Variants in SDK1 observed in about 807,000 individuals in gnomAD.
SDK1 encodes sidekick cell adhesion molecule 1, also known as protein sidekick-1.
A neutral mutation model predicts 245.5 loss-of-function variants in SDK1; 157 were observed. That is an observed-to-expected ratio of 0.64 (90% CI 0.56 to 0.73). SDK1 has a LOEUF of 0.73. Among genes scored for constraint, SDK1 ranks in the 30% least tolerant of loss-of-function variants. SDK1 has a pLI of 0.00. For missense variants in SDK1, 3,583 were observed against 3,002.3 expected (o/e 1.19, Z -4.52); for synonymous variants, 1,647 against 1,278.5 (o/e 1.29, Z -6.15).
chr7:4,084,719 ATGTTATGTTATGT>A (rs758702813), intron 22 of SDK1, among the ~76,000 whole-genome samples: 10,357 of 117,870 alleles, frequency 0.088, 385 homozygotes, highest in African/African-American at 0.12. Context: ...ATGTTATGTT[ATGTTATGTTATGT>A]TGTTACTTAA....
chr7:3,882,912 C>T (rs1436848514), intron 5 of SDK1, among the ~76,000 whole-genome samples: 1 of 152,160 alleles, frequency 6.6e-6, no homozygotes, highest in African/African-American at 2.4e-5. Flanking sequence ...AGAGATTGTT[C>T]TGGCTTTTTT....
chr7:3,979,533 T>G (rs895331887), intron 13 of SDK1, among the ~76,000 whole-genome samples: 21 of 152,166 alleles, frequency 1.4e-4, no homozygotes, highest in Admixed American at 1.3e-3. Context: ...TCACTCCACC[T>G]ACTGAGCTGA....
chr7:3,658,524 C>A (rs751084135), intron 4 of SDK1, among the ~76,000 whole-genome samples: 14 of 151,462 alleles, frequency 9.2e-5, no homozygotes, highest in Admixed American at 2.0e-4. Flanking sequence ...AATTTACCTA[C>A]CGTAATGTTC....
At chr7:4,131,868 A>T (rs1368691319) in intron 27 of SDK1, among the ~76,000 whole-genome samples, 1 of 152,140 alleles carries the variant, frequency 6.6e-6, no homozygotes, top group African/African-American at 2.4e-5. Context: ...CAGAAATTGT[A>T]ACCTCCGTTA....
chr7:3,571,349 T>G (rs1780108658), intron 1 of SDK1, among the ~76,000 whole-genome samples: 1 of 151,970 alleles, frequency 6.6e-6, no homozygotes, highest in African/African-American at 2.4e-5. Context: ...GTCACGCACG[T>G]GGGGGTGCAG....
chr7:3,864,219 G>A (rs1296810018), intron 5 of SDK1, among the ~76,000 whole-genome samples: 2 of 152,168 alleles, frequency 1.3e-5, no homozygotes, highest in Non-Finnish European at 2.9e-5. Flanking sequence ...TTTACACATA[G>A]AAGAAAAATT....
chr7:3,564,902 A>AG (rs1779861417), intron 1 of SDK1, among the ~76,000 whole-genome samples: 1 of 152,030 alleles, frequency 6.6e-6, no homozygotes, highest in African/African-American at 2.4e-5. Flanking sequence ...ACATTAAAAG[A>AG]GTGAAGGCAA....
chr7:4,013,931 G>C lies in SDK1; in HGVS notation c.2420+1696G>C, dbSNP rs1025880926. 9.9e-5 allele frequency among the ~76,000 whole-genome samples: 15 copies of C among 152,246 alleles called. 1 individual carries two copies. Among genetic ancestry groups the C allele is most frequent in the African/African-American group, 3.4e-4 (14 of 41,464 alleles). ...TGGTTCCTGTTGATCCCCTGGGACA[G>C]TTCCTAATTGCCTGACCACCTCCGC... On this transcript the variant is annotated intron_variant, in intron 16 of 44. Transcript: ENST00000404826.
chr7:3,615,407 C>T (rs980819341), intron 1 of SDK1, among the ~76,000 whole-genome samples: 1 of 151,672 alleles, frequency 6.6e-6, no homozygotes, highest in African/African-American at 2.4e-5. Context: ...CAGCTTAACG[C>T]ATGTCAGTTG....
intron 1 of SDK1, among the ~76,000 whole-genome samples, chr7:3,356,373 G>A (rs78289364): frequency 0.022 from 3,418 of 152,250 alleles, 135 homozygotes; most frequent in African/African-American, 0.077. Flanking sequence ...GACGCTGCCA[G>A]CTCTCGGAAG....
intron 1 of SDK1, among the ~76,000 whole-genome samples, chr7:3,510,189 A>G (rs1782534146): frequency 1.3e-5 from 2 of 152,150 alleles, no homozygotes; most frequent in South Asian, 2.1e-4. Context: ...AATTCAAACC[A>G]TTATGTGCTG....
chr7:3,623,397 C>T lies in SDK1; in HGVS notation c.458+4158C>T, dbSNP rs528820926. ...CTGGGACTACAGGCATGTGTCACCACGCCTGGCTAATTTTTTTATTATTAG... is the reference window on the plus strand; with the variant it reads ...CTGGGACTACAGGCATGTGTCACCATGCCTGGCTAATTTTTTTATTATTAG... On this transcript the variant is annotated intron_variant, in intron 2 of 44. Transcript: ENST00000404826. Among the ~76,000 whole-genome samples, 91 of 152,002 alleles carry T rather than the reference C, an allele frequency of 6.0e-4. 1 individual carries two copies. The highest frequency in any genetic ancestry group is 1.2e-3 in the Non-Finnish European group (81 of 67,966).
intron 5 of SDK1, among the ~76,000 whole-genome samples, chr7:3,823,242 G>A (rs555080794): frequency 6.6e-6 from 1 of 152,158 alleles, no homozygotes; most frequent in Non-Finnish European, 1.5e-5. Context: ...TTATCAAATA[G>A]ATTGTTATTA....
intron 1 of SDK1, among the ~76,000 whole-genome samples, chr7:3,512,444 A>G (rs1308892388): frequency 6.6e-6 from 1 of 152,188 alleles, no homozygotes; most frequent in African/African-American, 2.4e-5. Flanking sequence ...AGGTTTTTGT[A>G]TGTGGAAATA....
intron 42 of SDK1, among the ~76,000 whole-genome samples, chr7:4,239,984 CCTT>C (rs1208387089): frequency 1.3e-5 from 2 of 152,152 alleles, no homozygotes; most frequent in South Asian, 2.1e-4. Flanking sequence ...TAAAATGCCT[CCTT>C]ATTTGCTTCT....
intron 1 of SDK1, among the ~76,000 whole-genome samples, chr7:3,384,143 T>A (rs914151635): frequency 1.3e-5 from 2 of 152,184 alleles, no homozygotes; most frequent in African/African-American, 4.8e-5. Flanking sequence ...TTACAGCTAT[T>A]CATGGAAGAA....
intron 4 of SDK1, among the ~76,000 whole-genome samples, chr7:3,784,062 TTTC>T (rs1780828340): frequency 6.7e-6 from 1 of 149,834 alleles, no homozygotes; most frequent in African/African-American, 2.5e-5. Context: ...TTAAATTTAT[TTTC>T]TTTTTCTTTT....
chr7:3,686,474 A>T (rs1784283897), intron 4 of SDK1, among the ~76,000 whole-genome samples: 1 of 152,158 alleles, frequency 6.6e-6, no homozygotes, highest in Non-Finnish European at 1.5e-5. Flanking sequence ...AAGAAAGTAT[A>T]CTCATGGGCT....
Position 3,624,734 on chromosome 7 carries a change from C to T in SDK1, c.458+5495C>T, listed in dbSNP as rs1583240831. ...TGCCAGAGGAGCATTTTGAACCAGA[C>T]CATTATATTTATAAAAAATATATGA... is the stretch of plus-strand genomic sequence containing the variant. On this transcript the variant is annotated intron_variant, in intron 2 of 44. Coordinates refer to ENST00000404826, the MANE Select transcript of SDK1 (RefSeq NM_152744.4). Among the ~76,000 whole-genome samples, 5 of 151,974 alleles carry T rather than the reference C, an allele frequency of 3.3e-5. No homozygotes were observed. In the South Asian group the frequency reaches 6.3e-4, roughly 19 times the overall value.
Sources: gnomAD v4.1 joint callset for allele counts (sites outside exome capture counted in the v4.1 genomes callset) on GRCh38, gnomAD v4.1.1 for gene constraint, MANE v1.5 for transcripts, NCBI Gene and HGNC (gene_info 2026-07-23, HGNC 2026-07-21) for gene names.